Variants in SEMA3A observed in about 807,000 individuals in gnomAD.
SEMA3A encodes the protein semaphorin-3A.
SEMA3A carries 29 observed loss-of-function variants against 97.9 expected under a neutral mutation model. That is an observed-to-expected ratio of 0.30 (90% CI 0.22 to 0.40). SEMA3A has a LOEUF of 0.40. SEMA3A is among the 10% of genes least tolerant of loss of function. The probability of loss-of-function intolerance (pLI) is 1.00; values close to 1 mark genes in which losing one functional copy is unlikely to be tolerated. For missense variants in SEMA3A, 763 were observed against 951.3 expected (o/e 0.80, Z 2.60); for synonymous variants, 321 against 323.7 (o/e 0.99, Z 0.09).
chr7:84,432,825 T>C (rs1280148520), intron 1 of SEMA3A, among the ~76,000 whole-genome samples: 1 of 152,056 alleles, frequency 6.6e-6, no homozygotes, highest in Non-Finnish European at 1.5e-5. Flanking sequence ...ATCTTTGCTA[T>C]TATGGATAAT....
chr7:84,391,298 A>G (rs1162068080), intron 1 of SEMA3A, among the ~76,000 whole-genome samples: 2 of 152,170 alleles, frequency 1.3e-5, no homozygotes, highest in Non-Finnish European at 2.9e-5. Context: ...AATAGACAAG[A>G]ACCTAGTAAA....
chr7:84,443,880 CTTTTTTTTTTT>C (rs71078831), intron 1 of SEMA3A, among the ~76,000 whole-genome samples: 3 of 92,400 alleles, frequency 3.2e-5, no homozygotes, highest in East Asian at 3.0e-4. Flanking sequence ...GTGCTTTGTC[CTTTTTTTTTTT>C]TTTTTTTTTT....
At position 83,957,936 on chromosome 7, in the gene SEMA3A, T is replaced by C. The variant is rs1261090248; in HGVS notation, c.*3435A>G. On this transcript the variant is annotated 3_prime_UTR_variant, in exon 17 of 17. Transcript: ENST00000265362. ...GTTTCATTAAATTGAATGGAAATTG[T>C]GTTTTAAAATGAGCTAATAAAACAA... 1.3e-5 allele frequency: 2 copies of C among 152,158 alleles called. No homozygotes were observed. The highest frequency in any genetic ancestry group is 6.6e-5 in the Admixed American group (1 of 15,254). The allele number at this position is 152,158 out of a possible 1,614,324, so 9.4% of individuals were successfully genotyped here. A position where few individuals can be genotyped will look rare whatever the true frequency, so the allele number is the denominator to read the frequency against.
intron 2 of SEMA3A, among the ~76,000 whole-genome samples, chr7:84,350,136 T>TTGTTTAGATTAA (rs1802401470): frequency 6.6e-6 from 1 of 152,202 alleles, no homozygotes. Flanking sequence ...TCCACATCAA[T>TTGTTTAGATTAA]ATATTTCCAT....
At chr7:84,400,794 C>T (rs531582) in intron 1 of SEMA3A, among the ~76,000 whole-genome samples, 17,513 of 152,122 alleles carry the variant, frequency 0.12, 1,898 homozygotes, top group African/African-American at 0.27. Context: ...TTAATAAATG[C>T]CACAAAAGCA....
At chr7:84,060,588 G>T in intron 4 of SEMA3A, 30 bp from the exon 5 acceptor site, 1 of 1,442,476 alleles carries the variant, frequency 6.9e-7, no homozygotes, top group Non-Finnish European at 9.4e-7. Context: ...AGAGAAAAGG[G>T]TTTCCTTTAT....
intron 6 of SEMA3A, among the ~76,000 whole-genome samples, chr7:84,037,750 T>A (rs1470822869): frequency 6.6e-6 from 1 of 152,014 alleles, no homozygotes; most frequent in Non-Finnish European, 1.5e-5. Context: ...ATAACTCTAT[T>A]TTTGAATAGA....
chr7:84,374,234 C>G (rs573633440), intron 1 of SEMA3A, among the ~76,000 whole-genome samples: 1 of 152,272 alleles, frequency 6.6e-6, no homozygotes, highest in South Asian at 2.1e-4. Context: ...GTATCCTTTA[C>G]CCAACAATTC....
intron 1 of SEMA3A, among the ~76,000 whole-genome samples, chr7:84,481,325 A>C (rs924313078): frequency 2.6e-5 from 4 of 152,206 alleles, no homozygotes; most frequent in Non-Finnish European, 5.9e-5. Context: ...ACTAAACCTA[A>C]TTAAAAATGA....
chr7:84,048,917 T>G (rs969142912), intron 5 of SEMA3A, among the ~76,000 whole-genome samples: 14 of 152,044 alleles, frequency 9.2e-5, no homozygotes, highest in Non-Finnish European at 1.8e-4. Context: ...ATTACTTGGA[T>G]AGAAAAGGTG....
chr7:84,483,401 T>C (rs911371493), intron 1 of SEMA3A, among the ~76,000 whole-genome samples: 3 of 152,158 alleles, frequency 2.0e-5, no homozygotes, highest in African/African-American at 4.8e-5. Flanking sequence ...TATCCCTGAA[T>C]ATGGTGATGA....
At chr7:84,269,991 A>C (rs1354550098) in intron 3 of SEMA3A, among the ~76,000 whole-genome samples, 1 of 152,136 alleles carries the variant, frequency 6.6e-6, no homozygotes, top group African/African-American at 2.4e-5. Flanking sequence ...TTCTCAAAAC[A>C]AAAAATGCTT....
At chr7:84,261,948 T>C (rs999224181) in intron 3 of SEMA3A, among the ~76,000 whole-genome samples, 1 of 149,948 alleles carries the variant, frequency 6.7e-6, no homozygotes, top group African/African-American at 2.4e-5. Context: ...AATATTGTTA[T>C]CTTTTTTCTT....
intron 1 of SEMA3A, among the ~76,000 whole-genome samples, chr7:84,448,136 G>C (rs1805469790): frequency 2.0e-5 from 3 of 152,164 alleles, no homozygotes; most frequent in Admixed American, 1.3e-4. Flanking sequence ...GGCCAGTACT[G>C]TGAGCCGTGC....
chr7:84,484,040 G>A (rs1328967612), intron 1 of SEMA3A, among the ~76,000 whole-genome samples: 2 of 148,014 alleles, frequency 1.4e-5, no homozygotes, highest in Non-Finnish European at 1.5e-5. Context: ...GTGAAACTCT[G>A]TCTCAAAAAA....
In SEMA3A at chr7:83,957,663, T is replaced by G. The variant is rs1195938638; in HGVS notation, c.*3708A>C. On this transcript the variant is annotated 3_prime_UTR_variant, in exon 17 of 17. Transcript: ENST00000265362. Reference sequence around the variant, plus strand: ...ACTTGAAAAATTATGTTCATTTAATTAACTAGTTTAAGAAAATTTTTAGAG... The same window carrying G: ...ACTTGAAAAATTATGTTCATTTAATGAACTAGTTTAAGAAAATTTTTAGAG... 2 of 152,138 alleles carry G rather than the reference T, an allele frequency of 1.3e-5. No individual in the cohort carries two copies. Among genetic ancestry groups the G allele is most frequent in the African/African-American group, 2.4e-5 (1 of 41,432 alleles). The allele number at this position is 152,138 out of a possible 1,614,324, so 9.4% of individuals were successfully genotyped here. A position where few individuals can be genotyped will look rare whatever the true frequency, so the allele number is the denominator to read the frequency against.
At position 84,303,312 on chromosome 7, in the gene SEMA3A, C is replaced by A. The variant is rs559872808; in HGVS notation, c.-83+3895G>T. Reference sequence around the variant, plus strand: ...GCTTGTTACTAAAACTGAGTGTGAACTCAATTGCAGCATAATTTTCTTAGT... The same window carrying A: ...GCTTGTTACTAAAACTGAGTGTGAAATCAATTGCAGCATAATTTTCTTAGT... On this transcript the variant is annotated intron_variant, in intron 3 of 3. Coordinates refer to the SEMA3A transcript ENST00000424555. Among the ~76,000 whole-genome samples the A allele has an allele frequency of 2.0e-5, 3 of 152,140 alleles. No homozygotes were observed. In the East Asian group the frequency reaches 5.8e-4, roughly 30 times the overall value.
intron 3 of SEMA3A, among the ~76,000 whole-genome samples, chr7:84,263,471 A>G (rs1433367331): frequency 1.3e-5 from 2 of 152,178 alleles, no homozygotes; most frequent in Non-Finnish European, 2.9e-5. Flanking sequence ...CCCCATTGAG[A>G]TATTTTACAC....
chr7:83,994,574 C>A (rs554284414), intron 12 of SEMA3A, among the ~76,000 whole-genome samples: 13 of 137,254 alleles, frequency 9.5e-5, no homozygotes, highest in African/African-American at 2.2e-4. Context: ...AATACCCTGC[C>A]GTGTGAGGTG....
Sources: gnomAD v4.1 joint callset for allele counts (sites outside exome capture counted in the v4.1 genomes callset) on GRCh38, gnomAD v4.1.1 for gene constraint, MANE v1.5 for transcripts, NCBI Gene and HGNC (gene_info 2026-07-23, HGNC 2026-07-21) for gene names.